The following LMF2 variants were observed in gnomAD, a reference collection of about 807,000 sequenced individuals.
LMF2 encodes the protein lipase maturation factor 2.
In LMF2, 113 loss-of-function variants were observed where a neutral mutation model predicts 81.5. The observed-to-expected ratio is 1.39, with a 90% CI of 1.19 to 1.62. The LOEUF (loss-of-function observed/expected upper bound fraction) is 1.62. Among genes scored for constraint, LMF2 ranks in the 40% most tolerant of loss-of-function variants. The pLI is 0.00. For missense variants in LMF2, 1,235 were observed against 929.1 expected, an observed-to-expected ratio of 1.33 and a Z score of -4.28; for synonymous variants, 645 against 424.5, an observed-to-expected ratio of 1.52 and a Z score of -6.39.
At chr22:50,505,373 G>T in intron 7 of LMF2, 30 bp downstream of exon 7, 1 of 1,613,230 alleles carries the variant, frequency 6.2e-7, no homozygotes, top group Non-Finnish European at 8.5e-7. Flanking sequence ...GTCCGCCCCT[G>T]CCCTCTGGCC....
At position 50,506,775 on chromosome 22, in the gene LMF2, C is replaced by T. The variant is rs1480191912; in HGVS notation, c.348+7G>A. 1 of 1,612,750 alleles carries T rather than the reference C, an allele frequency of 6.2e-7. No individual in the cohort carries two copies. The highest frequency in any genetic ancestry group is 8.5e-7 in the Non-Finnish European group (1 of 1,179,482). On this transcript the variant is annotated splice_region_variant and intron_variant, in intron 2 of 13. Transcript: ENST00000474879. The stretch of plus-strand genomic sequence containing the variant: ...GATAGAGTGAGCTGGTCACAGGTCC[C>T]ACTTGCCTGGCAGGCTGACAGGTAG...
rs762006530 is a variant in LMF2, at chr22:50,505,527, C to T, written c.927G>A (p.Lys309=). 4 of 1,612,566 alleles carry T rather than the reference C, an allele frequency of 2.5e-6. No individual in the cohort carries two copies. The highest frequency in any genetic ancestry group is 3.4e-6 in the Non-Finnish European group (4 of 1,179,994). ...GCAGCGACAGGGTGGCCAGCAGGGC[C>T]TTGGGCCAGGCTGTGGGGCAGGACA... ...SRKKTATSWP[K]ALLATLSLLL... is the part of the protein sequence containing the mutation. Residue 309 remains lysine, a synonymous_variant, in exon 7 of 14, where the codon AAG becomes AAA. Transcript: ENST00000474879.
rs1297955350 is a variant in LMF2 at position 50,505,742 on chromosome 22, G to A, written c.848C>T (p.Thr283Ile). 1.2e-6 allele frequency: 2 copies of A among 1,613,038 alleles called. No individual in the cohort carries two copies. Among genetic ancestry groups the A allele is most frequent in the East Asian group, 2.2e-5 (1 of 44,888 alleles). ...FFNLMTLVLT[T>I]ALLDDQHLAA... ...CAGGTGCTGGTCGTCCAGCAGCGCA[G>A]TGGTAAGCACCAGCGTCATCAGGTT... The change falls in exon 6 of 14, where the codon ACT becomes ATT. Residue 283 changes from threonine to isoleucine, a missense_variant. By Grantham distance (89) the Thr-to-Ile change is moderately conservative. Coordinates refer to ENST00000474879, the MANE Select transcript of LMF2 (RefSeq NM_033200.3).
rs1484944677 is a variant in LMF2 at position 50,503,904 on chromosome 22, G to GCTGCAGCA, written c.1719-8_1719-1dup (p.Gln574AlafsTer86). The GCTGCAGCA allele has an allele frequency of 1.2e-6, 2 of 1,604,304 alleles. No homozygotes were observed. Among genetic ancestry groups the GCTGCAGCA allele is most frequent in the Non-Finnish European group, 1.7e-6 (2 of 1,179,260 alleles). On this transcript the variant is annotated frameshift_variant and splice_region_variant. Transcript: ENST00000474879. LOFTEE classifies it high-confidence loss of function. ...CCACCCACTGGCGCCGCCACCACTGGCTGCAGCAGGACCCGATGTTCAGAA... is the reference window on the plus strand; with the variant it reads ...CCACCCACTGGCGCCGCCACCACTGGCTGCAGCACTGCAGCAGGACCCGATGTTCAGAA...
Position 50,507,640 on chromosome 22 carries a change from G to C in LMF2, c.36C>G (p.Leu12=), listed in dbSNP as rs925343110. The change falls in exon 1 of 14, where the codon CTC becomes CTG. Residue 12 remains leucine, a synonymous_variant. Transcript: ENST00000474879. ...AGSRLPRQLF[L]QGVAAVFMFA... ...ACATGAAGACGGCCGCCACGCCCTG[G>C]AGGAAGAGCTGCCGCGGGAGCCGGG... The C allele has an allele frequency of 1.9e-6, 3 of 1,555,324 alleles. No homozygotes were observed. Among genetic ancestry groups the C allele is most frequent in the African/African-American group, 1.4e-5 (1 of 73,292 alleles).
Position 50,503,610 on chromosome 22 carries a change from G to A in LMF2, c.1905C>T (p.Ala635=), listed in dbSNP as rs115252654. The A allele has an allele frequency of 1.5e-3, 2,343 of 1,569,224 alleles. 35 individuals are homozygous for A. In the African/African-American group the frequency reaches 0.028, roughly 18 times the overall value. Residue 635 remains alanine (A), a synonymous_variant, in exon 14 of 14, where the codon GCC becomes GCT. Coordinates refer to ENST00000474879, the MANE Select transcript of LMF2 (RefSeq NM_033200.3). ...WTRSQLSPLE[A]PALLWGLLMA... is the part of the protein sequence containing the mutation. The stretch of plus-strand genomic sequence containing the variant: ...TGAGGAGCCCCCAGAGCAGGGCGGG[G>A]GCCTCCAGGGGAGACAGCTGAGAGC...
Position 50,506,227 on chromosome 22 carries a change from C to T in LMF2, c.596-14G>A, listed in dbSNP as rs372207111. ...GGTAGGTGAGGGCTGCAGGCGAGGGCAGGAGTCAGGGCTGGCCGAGCCCCC... is the reference window on the plus strand; with the variant it reads ...GGTAGGTGAGGGCTGCAGGCGAGGGTAGGAGTCAGGGCTGGCCGAGCCCCC... On this transcript the variant is annotated splice_polypyrimidine_tract_variant and intron_variant, in intron 4 of 13. Transcript: ENST00000474879. 270 of 1,551,046 alleles carry T rather than the reference C, an allele frequency of 1.7e-4. No homozygotes were observed. The highest frequency in any genetic ancestry group is 1.7e-4 in the Middle Eastern group (1 of 5,980).
chr22:50,505,919 C>T, intron 5 of LMF2, 104 bp from the exon 6 acceptor site: 2 of 1,574,970 alleles, frequency 1.3e-6, no homozygotes, highest in Non-Finnish European at 8.6e-7. Flanking sequence ...CAAGGCCTTC[C>T]CAACAGCGGT....
At chr22:50,504,061 G>A (rs1398259143) in intron 12 of LMF2, among the ~76,000 whole-genome samples, 157 bp from the exon 13 acceptor site, 16 of 39,522 alleles carry the variant, frequency 4.0e-4, no homozygotes, top group Admixed American at 1.1e-3. Flanking sequence ...CACCCCACCC[G>A]GTGCCCGGCC....
Position 50,503,923 on chromosome 22 carries a change from T to A in LMF2, c.1719-19A>T, listed in dbSNP as rs779546310. The stretch of plus-strand genomic sequence containing the variant: ...CCACTGGCTGCAGCAGGACCCGATG[T>A]TCAGAAGCTGGAGGCACCCCGGGCT... On this transcript the variant is annotated intron_variant, in intron 12 of 13. Transcript: ENST00000474879. 6.2e-6 allele frequency: 10 copies of A among 1,602,180 alleles called. No homozygotes were observed. In the East Asian group the frequency reaches 2.2e-4, roughly 36 times the overall value.
At chr22:50,507,558 G>T (rs1367430304) in intron 1 of LMF2, 24 bp downstream of exon 1, 1 of 1,506,392 alleles carries the variant, frequency 6.6e-7, no homozygotes, top group Non-Finnish European at 9.0e-7. Context: ...GAGGCTGGGG[G>T]TGTCCCACCC....
Position 50,503,004 on chromosome 22 carries a change from G to A in LMF2, c.*387C>T, listed in dbSNP as rs1300787374. ...CCAGATCTAAAGGGCAGGATGGGCT[G>A]GTGTGAAGATGACGTGGAAGATGAC... On this transcript the variant is annotated 3_prime_UTR_variant, in exon 14 of 14. Transcript: ENST00000474879. The A allele has an allele frequency of 9.0e-6, 2 of 221,690 alleles. No individual in the cohort carries two copies. The highest frequency in any genetic ancestry group is 1.4e-4 in the South Asian group (2 of 14,002). The allele number at this position is 221,690 out of a possible 1,614,324, so 13.7% of individuals were successfully genotyped here. A position where few individuals can be genotyped will look rare whatever the true frequency, so the allele number is the denominator to read the frequency against.
chr22:50,505,017 C>T (rs2068520194), intron 9 of LMF2, 33 bp from the exon 10 acceptor site: 10 of 1,612,166 alleles, frequency 6.2e-6, no homozygotes, highest in Non-Finnish European at 6.8e-6. Flanking sequence ...CAGGGCTGCC[C>T]TGCCCCCAGC....
At chr22:50,504,472 G>A (rs748050764) in intron 11 of LMF2, 21 bp from the exon 12 acceptor site, 27 of 1,604,446 alleles carry the variant, frequency 1.7e-5, no homozygotes, top group Middle Eastern at 1.7e-4. Context: ...AGGCATCAGC[G>A]TGGCCCCCAC....
Position 50,503,635 on chromosome 22 carries a change from C to G in LMF2, c.1880G>C (p.Arg627Pro), listed in dbSNP as rs376834243. Residue 627 changes from arginine (R) to proline (P), a missense_variant, in exon 14 of 14, where the codon CGC (arginine) becomes CCC (proline). Arg to Pro is a moderately radical substitution (Grantham distance 103). Coordinates refer to ENST00000474879, the MANE Select transcript of LMF2 (RefSeq NM_033200.3). ...GGCCTCCAGGGGAGACAGCTGAGAG[C>G]GAGTCCAGTGGAGGGCCTGGGCCAG... Reference protein sequence around the residue: ...STLAQALHWTRSQLSPLEAPA... With the variant: ...STLAQALHWTPSQLSPLEAPA... The G allele has an allele frequency of 2.6e-6, 4 of 1,558,326 alleles. No homozygotes were observed. Among genetic ancestry groups the G allele is most frequent in the East Asian group, 2.4e-5 (1 of 42,316 alleles).
chr22:50,506,147 G>A lies in LMF2; in HGVS notation c.662C>T (p.Pro221Leu), dbSNP rs1476799205. The A allele has an allele frequency of 1.2e-5, 19 of 1,571,304 alleles. No homozygotes were observed. The highest frequency in any genetic ancestry group is 2.3e-5 in the East Asian group (1 of 43,020). ...TPAAWFAHHLPVWLHKLSVVA... is the reference protein window; with the variant it reads ...TPAAWFAHHLLVWLHKLSVVA... ...CACGCTGAGCTTGTGCAGCCAGACC[G>A]GCAGGTGGTGTGCGAACCAGGCGGC... Residue 221 changes from proline (P) to leucine (L), a missense_variant, in exon 5 of 14, where the codon CCG becomes CTG. Physicochemically the swap from Pro to Leu is moderately conservative, Grantham distance 98. Transcript: ENST00000474879.
chr22:50,503,672 C>G lies in LMF2; in HGVS notation c.1843G>C (p.Ala615Pro). ...QEKSPPRTRS[A>P]NSTLAQALHW... ...AGGGCCTGGGCCAGGGTGCTGTTGG[C>G]GCTGCGGGTGCGAGGTGGGCTTTTC... Residue 615 changes from alanine to proline, a missense_variant, in exon 14 of 14, where the codon GCC becomes CCC. By Grantham distance (27) the Ala-to-Pro change is conservative. Coordinates refer to ENST00000474879, the MANE Select transcript of LMF2 (RefSeq NM_033200.3). 7.5e-7 allele frequency: 1 copy of G among 1,325,600 alleles called. No individual in the cohort carries two copies. The highest frequency in any genetic ancestry group is 1.0e-6 in the Non-Finnish European group (1 of 1,002,622). 82.1% of individuals were successfully genotyped at this position (1,325,600 alleles called of 1,614,324 possible). A position where few individuals can be genotyped will look rare whatever the true frequency, so the allele number is the denominator to read the frequency against.
At chr22:50,504,495 G>GGCCCCCCCCAC in intron 11 of LMF2, 44 bp from the exon 12 acceptor site, 1 of 1,339,596 alleles carries the variant, frequency 7.5e-7, no homozygotes, top group Non-Finnish European at 1.0e-6. Flanking sequence ...TACCCGCCCT[G>GGCCCCCCCCAC]CCCCTCCCCT....
At position 50,506,411 on chromosome 22, in the gene LMF2, G is replaced by T. The variant is rs772043694; in HGVS notation, c.469C>A (p.Gln157Lys). 30 of 1,550,168 alleles carry T rather than the reference G, an allele frequency of 1.9e-5. No homozygotes were observed. The Admixed American group carries it at 2.9e-4, about 15-fold the overall frequency. Reference sequence around the variant, plus strand: ...TCTTCGTGGGGCAGGGCCCCTGCCTGCCTGCCCTGGGGGGCCTCCTTGCGG... The same window carrying T: ...TCTTCGTGGGGCAGGGCCCCTGCCTTCCTGCCCTGGGGGGCCTCCTTGCGG... ...SHRKEAPQGR[Q>K]AGALPHEDLP... The change falls in exon 4 of 14, where the codon CAG (glutamine) becomes AAG (lysine). Residue 157 changes from glutamine (Q) to lysine (K), a missense_variant. Coordinates refer to ENST00000474879, the MANE Select transcript of LMF2 (RefSeq NM_033200.3).
Sources: allele counts gnomAD v4.1 joint callset (sites outside exome capture counted in the v4.1 genomes callset), GRCh38; gene constraint gnomAD v4.1.1; transcripts MANE v1.5; gene names NCBI Gene and HGNC (gene_info 2026-07-23, HGNC 2026-07-21).